HECW2: variants seen among roughly 807,000 people sequenced by gnomAD.
HECW2 encodes the protein HECT, C2 and WW domain containing E3 ubiquitin protein ligase 2, also known as E3 ubiquitin-protein ligase HECW2.
A neutral mutation model predicts 175.2 loss-of-function variants in HECW2; 61 were observed. That is an observed-to-expected ratio of 0.35 (90% CI 0.28 to 0.43). The LOEUF is 0.43. Ranked by LOEUF, HECW2 falls within the 20% of genes least tolerant of loss-of-function variation. HECW2 has a pLI of 1.00. For missense variants in HECW2, 1,524 were observed against 2,000.5 expected (o/e 0.76, Z 4.54); for synonymous variants, 671 against 731.0 (o/e 0.92, Z 1.32).
At position 196,271,642 on chromosome 2, in the gene HECW2, C is replaced by T. The variant is rs183652608; in HGVS notation, c.3239-353G>A. Among the ~76,000 whole-genome samples, 1,096 of 152,218 alleles carry T rather than the reference C, an allele frequency of 7.2e-3. 26 individuals carry two copies. Among genetic ancestry groups the T allele is most frequent in the Admixed American group, 0.038 (585 of 15,274 alleles). On this transcript the variant is annotated intron_variant, in intron 16 of 28. Transcript: ENST00000644978. The stretch of plus-strand genomic sequence containing the variant: ...TTTTTCAGCCAGGCATGGTAGCTCA[C>T]GCCTGTAACCCCAGCACTTTCAGAG...
intron 1 of HECW2, among the ~76,000 whole-genome samples, chr2:196,471,618 T>C (rs528494814): frequency 6.6e-6 from 1 of 152,210 alleles, no homozygotes; most frequent in African/African-American, 2.4e-5. Flanking sequence ...ATATACACCA[T>C]GGAATACTAG....
chr2:196,334,533 G>A lies in HECW2; in HGVS notation c.401-15C>T. ...TTTTATCTCCGCTGCAAAGCAATTG[G>A]AGAAAACAGTAATTTAAACAGTGAA... On this transcript the variant is annotated splice_polypyrimidine_tract_variant and intron_variant, in intron 3 of 28. Coordinates refer to ENST00000644978, the MANE Select transcript of HECW2 (RefSeq NM_001348768.2). 6.4e-7 allele frequency: 1 copy of A among 1,562,308 alleles called. No individual in the cohort carries two copies. Among genetic ancestry groups the A allele is most frequent in the Non-Finnish European group, 8.7e-7 (1 of 1,147,898 alleles).
At position 196,375,112 on chromosome 2, in the gene HECW2, T is replaced by C. The variant is rs145707088; in HGVS notation, c.293-31348A>G. ...AGGCAGAGGTAGCAGTGAGCTGAGA[T>C]CATGCCACTGCACTCTAGCCTGGGC... is the stretch of plus-strand genomic sequence containing the variant. On this transcript the variant is annotated intron_variant, in intron 2 of 28. Coordinates refer to ENST00000644978, the MANE Select transcript of HECW2 (RefSeq NM_001348768.2). Among the ~76,000 whole-genome samples, 860 of 147,482 alleles carry C rather than the reference T, an allele frequency of 5.8e-3. 15 individuals carry two copies. In the East Asian group the frequency reaches 0.059, roughly 10 times the overall value.
chr2:196,477,147 C>T (rs1235320912), intron 1 of HECW2, among the ~76,000 whole-genome samples: 3 of 92,528 alleles, frequency 3.2e-5, no homozygotes, highest in African/African-American at 4.6e-5. Context: ...GAGGGAAAAG[C>T]GAAAAAAAAA....
intron 21 of HECW2, among the ~76,000 whole-genome samples, chr2:196,235,561 G>C (rs1688214727): frequency 6.8e-6 from 1 of 147,966 alleles, no homozygotes; most frequent in Admixed American, 6.8e-5. Flanking sequence ...TATATATCAT[G>C]TTTCAGATGT....
intron 1 of HECW2, among the ~76,000 whole-genome samples, chr2:196,458,708 A>G (rs1696617719): frequency 6.6e-6 from 1 of 151,912 alleles, no homozygotes; most frequent in Non-Finnish European, 1.5e-5. Flanking sequence ...TCTACTAAAA[A>G]TACAAAAATT....
intron 2 of HECW2, among the ~76,000 whole-genome samples, chr2:196,347,836 T>C (rs1397556941): frequency 6.6e-6 from 1 of 152,274 alleles, no homozygotes; most frequent in Non-Finnish European, 1.5e-5. Flanking sequence ...ATGGAAATTT[T>C]TCTTTGATGT....
At chr2:196,438,598 C>T (rs1695949510) in intron 1 of HECW2, among the ~76,000 whole-genome samples, 1 of 152,162 alleles carries the variant, frequency 6.6e-6, no homozygotes, top group Admixed American at 6.5e-5. Context: ...CAGAAAGACC[C>T]TGAAGGTAGC....
chr2:196,444,884 T>C lies in HECW2; in HGVS notation c.-35-11426A>G, dbSNP rs184373196. The stretch of plus-strand genomic sequence containing the variant: ...GAGGGTGGATTTTTTTTCCCTGGAT[T>C]TCTTTATAATTCCCTGAATAAACCA... On this transcript the variant is annotated intron_variant, in intron 1 of 28. Transcript: ENST00000644978. 7.2e-5 allele frequency among the ~76,000 whole-genome samples: 11 copies of C among 152,274 alleles called. No homozygotes were observed. The East Asian group carries it at 2.1e-3, about 29-fold the overall frequency.
chr2:196,397,461 TG>T (rs1043581088), intron 2 of HECW2, among the ~76,000 whole-genome samples: 2 of 152,228 alleles, frequency 1.3e-5, no homozygotes, highest in African/African-American at 4.8e-5. Context: ...GATGTAGCTT[TG>T]TGAAATCTTA....
chr2:196,442,331 T>C (rs4850714), intron 1 of HECW2, among the ~76,000 whole-genome samples: 143,970 of 152,274 alleles, frequency 0.95, 68,186 homozygotes, highest in East Asian at 1. Flanking sequence ...TGAAAAGCAG[T>C]AGTACTCAAG....
At chr2:196,373,860 G>A (rs1302347517) in intron 2 of HECW2, among the ~76,000 whole-genome samples, 2 of 151,750 alleles carry the variant, frequency 1.3e-5, no homozygotes, top group African/African-American at 2.4e-5. Flanking sequence ...GTGAAACCCC[G>A]TCTCTACTAA....
intron 1 of HECW2, among the ~76,000 whole-genome samples, chr2:196,456,503 T>G (rs1165665387): frequency 2.6e-5 from 4 of 152,214 alleles, no homozygotes; most frequent in Non-Finnish European, 4.4e-5. Flanking sequence ...TCCTTGGGAC[T>G]GACCATATGT....
At chr2:196,580,029 GATA>G (rs556417408) in intron 1 of HECW2, among the ~76,000 whole-genome samples, 1 of 152,144 alleles carries the variant, frequency 6.6e-6, no homozygotes, top group Non-Finnish European at 1.5e-5. Flanking sequence ...GAGTTGGAGT[GATA>G]ATATTAGTAT....
At chr2:196,471,994 G>GA (rs1391245535) in intron 1 of HECW2, among the ~76,000 whole-genome samples, 1 of 132,426 alleles carries the variant, frequency 7.6e-6, no homozygotes, top group East Asian at 2.1e-4. Flanking sequence ...AAAAAAAAAA[G>GA]AAAAGCAAGA....
intron 28 of HECW2, among the ~76,000 whole-genome samples, chr2:196,207,761 G>C (rs1480054991): frequency 2.6e-5 from 4 of 152,176 alleles, no homozygotes; most frequent in Admixed American, 2.0e-4. Context: ...CGGGTGAGGG[G>C]AATTAATCTA....
intron 1 of HECW2, among the ~76,000 whole-genome samples, chr2:196,571,524 C>CA (rs781291527): frequency 5.9e-5 from 9 of 152,070 alleles, no homozygotes; most frequent in Non-Finnish European, 8.8e-5. Context: ...GCCTGGCCAA[C>CA]ATGGTGAAAC....
chr2:196,387,137 C>G (rs1413789633), intron 2 of HECW2, among the ~76,000 whole-genome samples: 1 of 152,128 alleles, frequency 6.6e-6, no homozygotes, highest in Non-Finnish European at 1.5e-5. Context: ...TTCATAAGCT[C>G]AGACAGTTAA....
At chr2:196,287,768 T>C (rs900198758) in intron 14 of HECW2, among the ~76,000 whole-genome samples, 2 of 152,180 alleles carry the variant, frequency 1.3e-5, no homozygotes, top group African/African-American at 4.8e-5. Context: ...ACCCACCTGG[T>C]GCTTTCCTGT....
Sources: allele counts gnomAD v4.1 joint callset (sites outside exome capture counted in the v4.1 genomes callset), GRCh38; gene constraint gnomAD v4.1.1; transcripts MANE v1.5; gene names NCBI Gene and HGNC (gene_info 2026-07-23, HGNC 2026-07-21).